GADL1: variants seen among roughly 807,000 people sequenced by gnomAD.
The protein encoded by GADL1 is GAD like acidic amino acid decarboxylase 1, also known as acidic amino acid decarboxylase GADL1.
GADL1 carries 71 observed loss-of-function variants against 69.5 expected under a neutral mutation model. The ratio of observed to expected loss-of-function variants is 1.02; its 90% CI spans 0.84 to 1.25. The LOEUF is 1.25. Ranked by LOEUF, GADL1 falls within the 50% of genes most tolerant of loss-of-function variation. The pLI is 0.00. For missense variants in GADL1, 737 were observed against 631.8 expected, an observed-to-expected ratio of 1.17 and a Z score of -1.79; for synonymous variants, 254 against 214.4, an observed-to-expected ratio of 1.18 and a Z score of -1.62.
intron 14 of GADL1, among the ~76,000 whole-genome samples, chr3:30,731,220 T>C (rs1184957687): frequency 6.6e-6 from 1 of 152,212 alleles, no homozygotes; most frequent in Non-Finnish European, 1.5e-5. Flanking sequence ...TCTCTTCATG[T>C]TCCTCTCCTT....
At chr3:30,768,371 G>C (rs1002409865) in intron 14 of GADL1, among the ~76,000 whole-genome samples, 1 of 152,148 alleles carries the variant, frequency 6.6e-6, no homozygotes, top group African/African-American at 2.4e-5. Context: ...GCCATTTGAA[G>C]ATTTTTATTT....
At chr3:30,821,162 T>C (rs1247023114) in intron 11 of GADL1, among the ~76,000 whole-genome samples, 2 of 151,862 alleles carry the variant, frequency 1.3e-5, no homozygotes, top group Non-Finnish European at 2.9e-5. Context: ...CATCACACTC[T>C]GGGGACTGCT....
chr3:30,778,336 A>G, intron 13 of GADL1, 68 bp from the exon 14 acceptor site: 1 of 1,012,754 alleles, frequency 9.9e-7, no homozygotes. Flanking sequence ...AAATACTTTT[A>G]AAACTCTTAG....
chr3:30,835,906 G>A (rs556361079), intron 9 of GADL1, among the ~76,000 whole-genome samples: 2 of 152,146 alleles, frequency 1.3e-5, no homozygotes, highest in Admixed American at 1.3e-4. Flanking sequence ...GTGTGACTCA[G>A]GCTGAGCCAC....
intron 8 of GADL1, among the ~76,000 whole-genome samples, chr3:30,840,144 C>G (rs1021231788): frequency 6.6e-6 from 1 of 152,052 alleles, no homozygotes; most frequent in Non-Finnish European, 1.5e-5. Flanking sequence ...AGCATGGAGC[C>G]ATTTTTTCCC....
intron 1 of GADL1, among the ~76,000 whole-genome samples, chr3:30,867,691 A>G (rs539086322): frequency 1.1e-3 from 166 of 151,972 alleles, no homozygotes; most frequent in Non-Finnish European, 1.8e-3. Context: ...AAGTTCTATG[A>G]AGGATCAATG....
At chr3:30,768,477 T>G (rs932358607) in intron 14 of GADL1, among the ~76,000 whole-genome samples, 7 of 149,748 alleles carry the variant, frequency 4.7e-5, no homozygotes, top group Non-Finnish European at 7.4e-5. Context: ...ATTGAAGCCT[T>G]GGACATATTT....
intron 11 of GADL1, among the ~76,000 whole-genome samples, chr3:30,813,244 G>T (rs1697395034): frequency 6.6e-6 from 1 of 152,064 alleles, no homozygotes; most frequent in South Asian, 2.1e-4. Context: ...TAATAATATT[G>T]CACTGCAGCC....
chr3:30,741,171 TTA>T (rs1268473788), intron 14 of GADL1, among the ~76,000 whole-genome samples: 1 of 138,470 alleles, frequency 7.2e-6, no homozygotes, highest in Non-Finnish European at 1.5e-5. Flanking sequence ...TGTATAAATA[TTA>T]TATATATTAT....
intron 6 of GADL1, among the ~76,000 whole-genome samples, chr3:30,845,506 T>A (rs964642638): frequency 6.6e-6 from 1 of 152,202 alleles, no homozygotes; most frequent in Non-Finnish European, 1.5e-5. Context: ...ATGTGGTAAT[T>A]TTTTTCCTTT....
intron 9 of GADL1, among the ~76,000 whole-genome samples, chr3:30,836,745 T>TA (rs1468255070): frequency 1.4e-5 from 2 of 139,366 alleles, no homozygotes; most frequent in East Asian, 4.1e-4. Flanking sequence ...GGTGAGAGAA[T>TA]AGGAAGCTTT....
At chr3:30,888,941 T>C (rs1235473487) in intron 1 of GADL1, among the ~76,000 whole-genome samples, 1 of 151,680 alleles carries the variant, frequency 6.6e-6, no homozygotes, top group East Asian at 1.9e-4. Context: ...AACAGTAAAA[T>C]TTTTGCAATA....
intron 14 of GADL1, among the ~76,000 whole-genome samples, chr3:30,766,983 G>GT (rs1559493443): frequency 6.6e-6 from 1 of 152,196 alleles, no homozygotes; most frequent in East Asian, 1.9e-4. Context: ...CAAATATGAG[G>GT]TAACAGGATG....
At position 30,867,006 on chromosome 3, in the gene GADL1, C is replaced by T. The variant is rs1405986525; in HGVS notation, c.38-5241G>A. On this transcript the variant is annotated intron_variant, in intron 1 of 14. Coordinates refer to ENST00000282538, the MANE Select transcript of GADL1 (RefSeq NM_207359.3). ...GTGGCCCAGACATGAGAAGAGCTGA[C>T]TTCTAGTCCCACTTGATCACTCCCA... is the stretch of plus-strand genomic sequence containing the variant. Among the ~76,000 whole-genome samples the T allele has an allele frequency of 2.0e-5, 3 of 152,130 alleles. No homozygotes were observed. The East Asian group carries it at 5.8e-4, about 30-fold the overall frequency.
intron 12 of GADL1, among the ~76,000 whole-genome samples, chr3:30,794,026 C>A (rs1696976338): frequency 1.3e-5 from 2 of 152,188 alleles, no homozygotes; most frequent in South Asian, 4.1e-4. Context: ...TTAAAAAGAT[C>A]ACCAATATAA....
chr3:30,877,370 C>T (rs565619012), intron 1 of GADL1, among the ~76,000 whole-genome samples: 20 of 151,858 alleles, frequency 1.3e-4, no homozygotes, highest in African/African-American at 1.2e-4. Context: ...ACTTATGTTC[C>T]GCAATTACTT....
intron 11 of GADL1, among the ~76,000 whole-genome samples, chr3:30,819,421 A>G (rs1697532966): frequency 6.6e-6 from 1 of 152,162 alleles, no homozygotes; most frequent in South Asian, 2.1e-4. Context: ...AAGAACCAGA[A>G]TTTCATAACA....
chr3:30,795,258 A>G (rs1697009429), intron 12 of GADL1, among the ~76,000 whole-genome samples: 1 of 151,482 alleles, frequency 6.6e-6, no homozygotes, highest in South Asian at 2.1e-4. Flanking sequence ...AAATATCTTG[A>G]CCCTGTCGGT....
At chr3:30,824,640 A>T (rs892371138) in intron 11 of GADL1, among the ~76,000 whole-genome samples, 23 of 151,846 alleles carry the variant, frequency 1.5e-4, no homozygotes, top group African/African-American at 5.6e-4. Flanking sequence ...AAAATGGATA[A>T]ATCTTAAAGA....
Sources: allele counts gnomAD v4.1 joint callset (sites outside exome capture counted in the v4.1 genomes callset), GRCh38; gene constraint gnomAD v4.1.1; transcripts MANE v1.5; gene names NCBI Gene and HGNC (gene_info 2026-07-23, HGNC 2026-07-21).